SGIP1: variants seen among roughly 807,000 people sequenced by gnomAD.
The protein encoded by SGIP1 is SH3-containing GRB2-like protein 3-interacting protein 1.
A neutral mutation model predicts 107.5 loss-of-function variants in SGIP1; 38 were observed. That is an observed-to-expected ratio of 0.35 (90% CI 0.27 to 0.46). The LOEUF (loss-of-function observed/expected upper bound fraction) is 0.46, where lower values mean the gene tolerates loss of function less well. SGIP1 is among the 20% of genes least tolerant of loss of function. The probability of loss-of-function intolerance (pLI) is 1.00; values close to 1 mark genes in which losing one functional copy is unlikely to be tolerated. For synonymous variants in SGIP1, 365 were observed against 366.1 expected (o/e 1.00, Z 0.03); for missense variants, 929 against 1,019.5 (o/e 0.91, Z 1.21).
Position 66,671,037 on chromosome 1 carries a change from AC to A in SGIP1, c.508+20del. On this transcript the variant is annotated intron_variant, in intron 10 of 24. Transcript: ENST00000371037. ...CTTATCCAGTAAGTATATCTTAGCT[AC>A]CAGAAATAGTGTATGATTTAAAAGA... 2 of 1,301,728 alleles carry A rather than the reference AC, an allele frequency of 1.5e-6. No individual in the cohort carries two copies. The highest frequency in any genetic ancestry group is 2.2e-6 in the Non-Finnish European group (2 of 929,260). 80.6% of individuals were successfully genotyped at this position (1,301,728 alleles called of 1,614,324 possible).
chr1:66,626,871 G>A (rs1171997705), intron 2 of SGIP1, among the ~76,000 whole-genome samples: 2 of 152,128 alleles, frequency 1.3e-5, no homozygotes, highest in African/African-American at 2.4e-5. Flanking sequence ...AGCAACAGTT[G>A]TATGGGCACA....
intron 17 of SGIP1, chr1:66,695,226 G>C: frequency 9.7e-7 from 1 of 1,030,082 alleles, no homozygotes; most frequent in Admixed American, 3.4e-5. Flanking sequence ...GGCCTCCATA[G>C]CTTTGCTTTT....
chr1:66,548,295 A>G (rs1295869921), intron 1 of SGIP1, among the ~76,000 whole-genome samples: 1 of 151,808 alleles, frequency 6.6e-6, no homozygotes, highest in African/African-American at 2.4e-5. Flanking sequence ...AAATATTCTG[A>G]TTTTATTTAA....
At chr1:66,598,300 C>T (rs2065109235) in intron 1 of SGIP1, among the ~76,000 whole-genome samples, 1 of 152,174 alleles carries the variant, frequency 6.6e-6, no homozygotes, top group South Asian at 2.1e-4. Flanking sequence ...GATAATTCAT[C>T]TACTTCAAAG....
chr1:66,590,637 C>T (rs538343145), intron 1 of SGIP1: 3 of 152,106 alleles, frequency 2.0e-5, no homozygotes, highest in East Asian at 1.9e-4. Context: ...ACATCTAGAT[C>T]GTAGGATATT....
chr1:66,630,421 C>T (rs1017302118), intron 2 of SGIP1, among the ~76,000 whole-genome samples: 1 of 152,136 alleles, frequency 6.6e-6, no homozygotes, highest in Admixed American at 6.5e-5. Flanking sequence ...TCACTTCTCT[C>T]CCAGCTCCAT....
chr1:66,576,558 T>A (rs752429802), intron 1 of SGIP1, among the ~76,000 whole-genome samples: 24 of 152,218 alleles, frequency 1.6e-4, no homozygotes, highest in Admixed American at 5.9e-4. Context: ...AAGGAATTGA[T>A]AGCCATTTTT....
intron 18 of SGIP1, among the ~76,000 whole-genome samples, chr1:66,697,521 A>G (rs1004899794): frequency 6.6e-6 from 1 of 152,226 alleles, no homozygotes; most frequent in Non-Finnish European, 1.5e-5. Flanking sequence ...GTGAATAGCC[A>G]TATCATGAAT....
Position 66,655,450 on chromosome 1 carries a change from C to A in SGIP1, c.460-5063C>A, listed in dbSNP as rs149899955. On this transcript the variant is annotated intron_variant, in intron 7 of 24. Transcript: ENST00000371037. ...CTCTACTTTTTAAAATTGCATTTGC[C>A]GTCTTCTAAAATACTAAATACTTTC... Among the ~76,000 whole-genome samples, 10 of 152,180 alleles carry A rather than the reference C, an allele frequency of 6.6e-5. No individual in the cohort carries two copies. In the East Asian group the frequency reaches 1.9e-3, roughly 29 times the overall value.
chr1:66,679,798 C>A (rs1362368085), intron 14 of SGIP1, 46 bp downstream of exon 14: 1 of 1,503,816 alleles, frequency 6.6e-7, no homozygotes, highest in Non-Finnish European at 8.9e-7. Flanking sequence ...TCAAACAGAG[C>A]AGTGGCCCCG....
At chr1:66,613,577 AC>A (rs1312586189) in intron 1 of SGIP1, among the ~76,000 whole-genome samples, 7 of 152,058 alleles carry the variant, frequency 4.6e-5, no homozygotes, top group African/African-American at 1.7e-4. Context: ...TGATGTGCCC[AC>A]CTCAGTCTCC....
intron 1 of SGIP1, among the ~76,000 whole-genome samples, chr1:66,551,444 G>A (rs1189453879): frequency 6.6e-6 from 1 of 152,072 alleles, no homozygotes; most frequent in Non-Finnish European, 1.5e-5. Context: ...GTTGACTTCT[G>A]TTTAATATGA....
rs974345281 is a variant in SGIP1, at chr1:66,749,431, C to T, written c.*6336C>T. ...TGAGATTCTATACTCTTTTAATGAG[C>T]ATTTCATAGGGTTTTTTTTTTGCTG... On this transcript the variant is annotated 3_prime_UTR_variant, in exon 25 of 25. Transcript: ENST00000371037. Among the ~76,000 whole-genome samples the T allele has an allele frequency of 6.8e-6, 1 of 147,368 alleles. No homozygotes were observed. Among genetic ancestry groups the T allele is most frequent in the African/African-American group, 2.5e-5 (1 of 39,686 alleles).
At chr1:66,691,831 A>G (rs562973435) in intron 17 of SGIP1, among the ~76,000 whole-genome samples, 10 of 152,272 alleles carry the variant, frequency 6.6e-5, no homozygotes, top group Non-Finnish European at 1.2e-4. Flanking sequence ...TGTTCTTTCA[A>G]TGCACTGTGA....
At chr1:66,606,177 G>A (rs943735351) in intron 1 of SGIP1, among the ~76,000 whole-genome samples, 2 of 152,086 alleles carry the variant, frequency 1.3e-5, no homozygotes, top group African/African-American at 4.8e-5. Flanking sequence ...TTCACCACGG[G>A]GTCTTACATG....
chr1:66,582,696 G>T (rs926408646), intron 1 of SGIP1, among the ~76,000 whole-genome samples: 1 of 151,824 alleles, frequency 6.6e-6, no homozygotes, highest in African/African-American at 2.4e-5. Flanking sequence ...AATTACACAT[G>T]GCTTTTTTTA....
intron 7 of SGIP1, among the ~76,000 whole-genome samples, chr1:66,657,234 A>G (rs2079976918): frequency 6.6e-6 from 1 of 152,118 alleles, no homozygotes; most frequent in Non-Finnish European, 1.5e-5. Context: ...CAGCCATCCT[A>G]TTTTTAAGGT....
intron 19 of SGIP1, among the ~76,000 whole-genome samples, chr1:66,727,820 G>A: frequency 6.6e-6 from 1 of 152,146 alleles, no homozygotes; most frequent in East Asian, 1.9e-4. Flanking sequence ...AATTGCAAAT[G>A]AAGTTATAGT....
chr1:66,618,536 A>G (rs2070048981), intron 1 of SGIP1, among the ~76,000 whole-genome samples: 1 of 152,234 alleles, frequency 6.6e-6, no homozygotes. Flanking sequence ...TTGACTCTGG[A>G]GCCAAACAGA....
Sources: gnomAD v4.1 joint callset for allele counts (sites outside exome capture counted in the v4.1 genomes callset) on GRCh38, gnomAD v4.1.1 for gene constraint, MANE v1.5 for transcripts, NCBI Gene and HGNC (gene_info 2026-07-23, HGNC 2026-07-21) for gene names.